ZNF92: variants seen among roughly 807,000 people sequenced by gnomAD.
ZNF92 encodes the protein zinc finger protein 92, also known as epididymis luminal protein 203.
A neutral mutation model predicts 12.4 loss-of-function variants in ZNF92; 11 were observed. That is an observed-to-expected ratio of 0.89 (90% CI 0.56 to 1.47). The LOEUF is 1.47. ZNF92 is among the 40% of genes most tolerant of loss of function. ZNF92 has a pLI of 0.00. For synonymous variants in ZNF92, 206 were observed against 228.6 expected, an observed-to-expected ratio of 0.90 and a Z score of 0.89; for missense variants, 622 against 681.0, an observed-to-expected ratio of 0.91 and a Z score of 0.96.
intron 1 of ZNF92, among the ~76,000 whole-genome samples, chr7:65,379,647 T>G (rs371691013): frequency 1.6e-4 from 25 of 152,096 alleles, no homozygotes; most frequent in African/African-American, 5.6e-4. Context: ...AACCTGTTTC[T>G]TGCTCACAAA....
chr7:65,387,201 C>CA (rs1793592674), intron 1 of ZNF92, among the ~76,000 whole-genome samples: 1 of 151,644 alleles, frequency 6.6e-6, no homozygotes, highest in Non-Finnish European at 1.5e-5. Flanking sequence ...CGCAGCCTCC[C>CA]AAACTGCTGG....
intron 3 of ZNF92, among the ~76,000 whole-genome samples, chr7:65,393,325 A>G (rs943180503): frequency 2.6e-5 from 4 of 152,140 alleles, no homozygotes; most frequent in Non-Finnish European, 5.9e-5. Context: ...AGTTTATCTT[A>G]AAATGTGACA....
rs1001080812 is a variant in ZNF92, at chr7:65,400,558, A to G, written c.*683A>G. ...CAGTAGAAATCATAAGGCATAAGGC[A>G]CTGATACTTCAGACATTACACTAAA... is the stretch of plus-strand genomic sequence containing the variant. On this transcript the variant is annotated 3_prime_UTR_variant, in exon 4 of 4. Coordinates refer to ENST00000328747, the MANE Select transcript of ZNF92 (RefSeq NM_152626.4). 6.6e-6 allele frequency: 1 copy of G among 152,066 alleles called. No individual in the cohort carries two copies. The highest frequency in any genetic ancestry group is 1.5e-5 in the Non-Finnish European group (1 of 67,916). The allele number at this position is 152,066 out of a possible 1,614,324, so 9.4% of individuals were successfully genotyped here.
At chr7:65,379,949 A>G (rs1793359739) in intron 1 of ZNF92, among the ~76,000 whole-genome samples, 1 of 152,030 alleles carries the variant, frequency 6.6e-6, no homozygotes, top group African/African-American at 2.4e-5. Flanking sequence ...TTTGGTGTAG[A>G]CTATTTTGTC....
chr7:65,395,503 T>C (rs1793822946), intron 3 of ZNF92, among the ~76,000 whole-genome samples: 1 of 152,156 alleles, frequency 6.6e-6, no homozygotes, highest in Non-Finnish European at 1.5e-5. Context: ...TGGATGTTCA[T>C]GTTCTTCAAA....
At chr7:65,388,254 G>T in intron 2 of ZNF92, 1 of 298,244 alleles carries the variant, frequency 3.4e-6, no homozygotes. Flanking sequence ...CTAAATTAGT[G>T]GTAATTCCAG....
intron 3 of ZNF92, among the ~76,000 whole-genome samples, chr7:65,396,603 TAGAG>T (rs1405553166): frequency 2.0e-5 from 3 of 152,182 alleles, no homozygotes; most frequent in Admixed American, 1.3e-4. Context: ...TTACATTTAA[TAGAG>T]AGCTTTATAT....
chr7:65,378,112 G>A (rs71562992), intron 1 of ZNF92, among the ~76,000 whole-genome samples: 44,778 of 151,594 alleles, frequency 0.3, 7,547 homozygotes, highest in Middle Eastern at 0.4. Context: ...AGCACTTTGG[G>A]AGACTGAGGT....
chr7:65,387,080 C>T (rs1048609623), intron 1 of ZNF92, among the ~76,000 whole-genome samples: 53 of 151,804 alleles, frequency 3.5e-4, no homozygotes, highest in African/African-American at 1.3e-3. Context: ...GCTGGGATTA[C>T]AGGCACGCGC....
intron 2 of ZNF92, 63 bp from the exon 3 acceptor site, chr7:65,388,743 A>G (rs978023210): frequency 1.5e-5 from 21 of 1,365,402 alleles, no homozygotes; most frequent in Non-Finnish European, 1.9e-5. Context: ...TACTGAGCAT[A>G]TTACTATGTT....
intron 1 of ZNF92, among the ~76,000 whole-genome samples, chr7:65,382,160 A>G (rs1048601073): frequency 2.6e-5 from 4 of 152,068 alleles, no homozygotes; most frequent in Non-Finnish European, 4.4e-5. Context: ...TGAACTATGT[A>G]TAACATGGTA....
Position 65,373,938 on chromosome 7 carries a change from TTA to T in ZNF92, c.-59_-58del, listed in dbSNP as rs1410992700. On this transcript the variant is annotated 5_prime_UTR_variant, in exon 1 of 4. Transcript: ENST00000328747. Reference sequence around the variant, plus strand: ...ATAAAGGCTCGCCGCTGTGACCCTGTTACCTGCAAGAACTTGGAGGTTCACAG... The same window carrying T: ...ATAAAGGCTCGCCGCTGTGACCCTGTCCTGCAAGAACTTGGAGGTTCACAG... 5.1e-5 allele frequency: 82 copies of T among 1,612,574 alleles called. No individual in the cohort carries two copies. The African/African-American group carries it at 1.0e-3, about 20-fold the overall frequency.
In ZNF92 at chr7:65,377,299, T is replaced by C. The variant is rs1793269260; in HGVS notation, c.3+3299T>C. On this transcript the variant is annotated intron_variant, in intron 1 of 3. Transcript: ENST00000328747. The stretch of plus-strand genomic sequence containing the variant: ...TATTGAGCCTGCAAAAGGAGGTTAT[T>C]AAAGGCCCAGTTAGGTTCTTTTTGG... Among the ~76,000 whole-genome samples the C allele has an allele frequency of 2.6e-5, 4 of 152,060 alleles. No individual in the cohort carries two copies. In the South Asian group the frequency reaches 8.3e-4, roughly 31 times the overall value.
chr7:65,378,123 GGGC>G (rs1243884826), intron 1 of ZNF92, among the ~76,000 whole-genome samples: 1 of 151,742 alleles, frequency 6.6e-6, no homozygotes, highest in Non-Finnish European at 1.5e-5. Flanking sequence ...AGACTGAGGT[GGGC>G]GGATCTACTA....
intron 1 of ZNF92, among the ~76,000 whole-genome samples, chr7:65,384,284 A>AT (rs1793504223): frequency 6.6e-6 from 1 of 151,950 alleles, no homozygotes; most frequent in South Asian, 2.1e-4. Context: ...CAGAACGGAA[A>AT]TACCCCAGTG....
chr7:65,374,142 T>A, intron 1 of ZNF92, 142 bp downstream of exon 1: 1 of 1,157,930 alleles, frequency 8.6e-7, no homozygotes, highest in Non-Finnish European at 1.2e-6. Context: ...AGCTCGGCCC[T>A]CAGTCTCCTT....
chr7:65,385,537 A>T (rs1446908234), intron 1 of ZNF92, among the ~76,000 whole-genome samples: 1 of 152,152 alleles, frequency 6.6e-6, no homozygotes, highest in African/African-American at 2.4e-5. Flanking sequence ...GGGACAGGGC[A>T]GAGTGCCCCA....
rs1342611017 is a variant in ZNF92, at chr7:65,398,461, A to G, written c.347A>G (p.Asp116Gly). ...YGHENLQLRK[D>G]HKSVDACKVY... ...CATGAGAATTTACAGCTAAGAAAAG[A>G]CCATAAAAGTGTGGATGCATGTAAG... Residue 116 changes from aspartate (D) to glycine (G), a missense_variant, in exon 4 of 4, where the codon GAC (aspartate) becomes GGC (glycine). Asp to Gly is a moderately conservative substitution (Grantham distance 94). Transcript: ENST00000328747. 6.2e-7 allele frequency: 1 copy of G among 1,613,040 alleles called. No individual in the cohort carries two copies. Among genetic ancestry groups the G allele is most frequent in the Non-Finnish European group, 8.5e-7 (1 of 1,179,662 alleles).
chr7:65,387,112 T>TGG (rs202105014), intron 1 of ZNF92, among the ~76,000 whole-genome samples: 3,531 of 151,948 alleles, frequency 0.023, 83 homozygotes, highest in Non-Finnish European at 0.035. Flanking sequence ...GCTAATTTTT[T>TGG]GTATTTTTAG....
Sources: gnomAD v4.1 joint callset for allele counts (sites outside exome capture counted in the v4.1 genomes callset) on GRCh38, gnomAD v4.1.1 for gene constraint, MANE v1.5 for transcripts, NCBI Gene and HGNC (gene_info 2026-07-23, HGNC 2026-07-21) for gene names.